Variants in GRID2 observed in about 807,000 individuals in gnomAD.
GRID2 encodes glutamate receptor ionotropic, delta-2.
In GRID2, 33 loss-of-function variants were observed where a neutral mutation model predicts 114.8. The ratio of observed to expected loss-of-function variants is 0.29; its 90% CI spans 0.22 to 0.38. The LOEUF (loss-of-function observed/expected upper bound fraction) is 0.38, where lower values mean the gene tolerates loss of function less well. Among genes scored for constraint, GRID2 ranks in the 10% least tolerant of loss-of-function variants. The pLI is 1.00. For missense variants in GRID2, 1,184 were observed against 1,257.7 expected (o/e 0.94, Z 0.89); for synonymous variants, 505 against 449.9 (o/e 1.12, Z -1.55).
rs552632164 is a variant in GRID2 at position 92,808,788 on chromosome 4, A to AT, written c.244+218516dup. Among the ~76,000 whole-genome samples, 1,087 of 144,942 alleles carry AT rather than the reference A, an allele frequency of 7.5e-3. 6 individuals are homozygous for AT. The highest frequency in any genetic ancestry group is 0.015 in the Middle Eastern group (4 of 274). ...ACGTTAATAAGGCAAAAGATCGTGA[A>AT]TTTTTTTTTTTTTTACTATTTTATT... is the stretch of plus-strand genomic sequence containing the variant. On this transcript the variant is annotated intron_variant, in intron 2 of 15. Coordinates refer to ENST00000282020, the MANE Select transcript of GRID2 (RefSeq NM_001510.4).
At chr4:93,193,469 C>G (rs1741193482) in intron 4 of GRID2, among the ~76,000 whole-genome samples, 2 of 152,002 alleles carry the variant, frequency 1.3e-5, no homozygotes, top group African/African-American at 2.4e-5. Context: ...GGCTTTTGCC[C>G]CTTTTGCTCT....
intron 1 of GRID2, among the ~76,000 whole-genome samples, chr4:92,587,783 C>T (rs1728517904): frequency 6.6e-6 from 1 of 151,992 alleles, no homozygotes; most frequent in Admixed American, 6.6e-5. Context: ...GTTTATTAAC[C>T]CAAGTTTAAT....
At chr4:93,211,556 C>T (rs1331011968) in intron 5 of GRID2, among the ~76,000 whole-genome samples, 2 of 151,934 alleles carry the variant, frequency 1.3e-5, no homozygotes, top group African/African-American at 4.8e-5. Flanking sequence ...TTAAGGAGAC[C>T]TCAATTATTT....
At chr4:93,769,921 C>T (rs149818001) in intron 15 of GRID2, among the ~76,000 whole-genome samples, 4 of 152,290 alleles carry the variant, frequency 2.6e-5, no homozygotes, top group African/African-American at 9.6e-5. Flanking sequence ...GCCTCCTTCT[C>T]TACTCATGTA....
chr4:92,913,711 T>G (rs993553872), intron 2 of GRID2, among the ~76,000 whole-genome samples: 1 of 152,012 alleles, frequency 6.6e-6, no homozygotes, highest in African/African-American at 2.4e-5. Context: ...GGATAATGAA[T>G]AACTTACTGG....
chr4:92,378,254 C>A (rs964950805), intron 1 of GRID2, among the ~76,000 whole-genome samples: 1 of 152,006 alleles, frequency 6.6e-6, no homozygotes, highest in African/African-American at 2.4e-5. Context: ...AAAGATTAGA[C>A]ATATTAAACT....
chr4:92,703,031 G>C (rs1734758621), intron 2 of GRID2, among the ~76,000 whole-genome samples: 1 of 152,076 alleles, frequency 6.6e-6, no homozygotes. Flanking sequence ...GTCTCTGTTT[G>C]AATTGCCATG....
intron 1 of GRID2, among the ~76,000 whole-genome samples, chr4:92,361,263 T>G (rs1400865105): frequency 6.6e-6 from 1 of 151,980 alleles, no homozygotes; most frequent in African/African-American, 2.4e-5. Context: ...CCTTCGCAGG[T>G]AAGTCATTCT....
intron 4 of GRID2, among the ~76,000 whole-genome samples, chr4:93,116,103 T>C (rs1404129930): frequency 6.6e-6 from 1 of 152,190 alleles, no homozygotes; most frequent in Non-Finnish European, 1.5e-5. Flanking sequence ...CCTCTCAATA[T>C]ATTACTAGTT....
At chr4:92,774,577 CTTTTTTTTTTT>C (rs1166044188) in intron 2 of GRID2, among the ~76,000 whole-genome samples, 61 of 106,380 alleles carry the variant, frequency 5.7e-4, no homozygotes, top group Admixed American at 4.1e-3. Flanking sequence ...TTTTTCTTTC[CTTTTTTTTTTT>C]TTTTTTTTTT....
At chr4:93,042,702 TGC>T (rs1160159830) in intron 2 of GRID2, among the ~76,000 whole-genome samples, 6 of 144,432 alleles carry the variant, frequency 4.2e-5, no homozygotes, top group Admixed American at 7.0e-5. Context: ...CATATATATA[TGC>T]ATATATATAT....
intron 4 of GRID2, among the ~76,000 whole-genome samples, chr4:93,137,739 TTTAA>T (rs1209473170): frequency 6.6e-6 from 1 of 152,076 alleles, no homozygotes; most frequent in African/African-American, 2.4e-5. Context: ...TGGGGGATGT[TTTAA>T]TTATATCATC....
chr4:93,062,159 A>T (rs992795883), intron 2 of GRID2, among the ~76,000 whole-genome samples: 6 of 152,142 alleles, frequency 3.9e-5, no homozygotes, highest in African/African-American at 1.4e-4. Context: ...TTTTAAAGGG[A>T]TTTGAGCTTA....
intron 1 of GRID2, among the ~76,000 whole-genome samples, chr4:92,510,675 C>G (rs1724199870): frequency 6.6e-6 from 1 of 151,480 alleles, no homozygotes; most frequent in Non-Finnish European, 1.5e-5. Flanking sequence ...CTATGGTTAA[C>G]AATAAGTCAT....
chr4:93,163,970 T>C (rs1392143545), intron 4 of GRID2, among the ~76,000 whole-genome samples: 1 of 152,120 alleles, frequency 6.6e-6, no homozygotes, highest in East Asian at 1.9e-4. Flanking sequence ...CCTTAGGTAA[T>C]TGCCCCACTC....
chr4:93,759,288 G>A (rs1347289957), intron 14 of GRID2, among the ~76,000 whole-genome samples: 1 of 152,092 alleles, frequency 6.6e-6, no homozygotes, highest in Non-Finnish European at 1.5e-5. Flanking sequence ...TATGGTTGAA[G>A]GAGATGACTC....
chr4:93,784,172 A>G (rs1313891802), intron 1 of GRID2, among the ~76,000 whole-genome samples: 3 of 151,594 alleles, frequency 2.0e-5, no homozygotes, highest in African/African-American at 4.9e-5. Flanking sequence ...ATGCTACAAG[A>G]CAAGTTTAAG....
rs1247118325 is a variant in GRID2, at chr4:93,772,799, A to T, written c.*301A>T. On this transcript the variant is annotated 3_prime_UTR_variant, in exon 16 of 16. Coordinates refer to ENST00000282020, the MANE Select transcript of GRID2 (RefSeq NM_001510.4). ...CATATACTGTACATCAAGTATAGGA[A>T]ATGTGCACTGAGTATACTAAAAGTA... is the stretch of plus-strand genomic sequence containing the variant. 13 of 314,766 alleles carry T rather than the reference A, an allele frequency of 4.1e-5. No individual in the cohort carries two copies. The highest frequency in any genetic ancestry group is 7.5e-5 in the Non-Finnish European group (13 of 172,228). The allele number at this position is 314,766 out of a possible 1,614,324, so 19.5% of individuals were successfully genotyped here.
At chr4:92,846,245 A>G (rs1382741503) in intron 2 of GRID2, among the ~76,000 whole-genome samples, 1 of 151,994 alleles carries the variant, frequency 6.6e-6, no homozygotes, top group Non-Finnish European at 1.5e-5. Flanking sequence ...TGAACTTTGG[A>G]GTACAGATGA....
Sources: gnomAD v4.1 joint callset for allele counts (sites outside exome capture counted in the v4.1 genomes callset) on GRCh38, gnomAD v4.1.1 for gene constraint, MANE v1.5 for transcripts, NCBI Gene and HGNC (gene_info 2026-07-23, HGNC 2026-07-21) for gene names.